Variants in KAT2B observed in about 807,000 individuals in gnomAD.
KAT2B encodes the protein lysine acetyltransferase 2B, also known as histone acetyltransferase KAT2B.
KAT2B carries 36 observed loss-of-function variants against 105.9 expected under a neutral mutation model. The observed-to-expected ratio is 0.34, with a 90% confidence interval of 0.26 to 0.45. KAT2B has a LOEUF of 0.45. Ranked by LOEUF, KAT2B falls within the 20% of genes least tolerant of loss-of-function variation. The pLI is 1.00. For synonymous variants in KAT2B, 397 were observed against 377.9 expected, an observed-to-expected ratio of 1.05 and a Z score of -0.59; for missense variants, 820 against 1,021.6, an observed-to-expected ratio of 0.80 and a Z score of 2.69.
chr3:20,040,846 C>CCCTCCCGCTTCCACCTCCG (rs1284136032), intron 1 of KAT2B, 66 bp downstream of exon 1: 121 of 1,472,768 alleles, frequency 8.2e-5, no homozygotes, highest in Non-Finnish European at 1.0e-4. Context: ...ACCCCCCTCC[C>CCCTCCCGCTTCCACCTCCG]CCTCCCGCTT....
At chr3:20,136,363 T>A (rs1247322253) in intron 11 of KAT2B, among the ~76,000 whole-genome samples, 1 of 152,260 alleles carries the variant, frequency 6.6e-6, no homozygotes, top group African/African-American at 2.4e-5. Flanking sequence ...GTCTTCTGGC[T>A]GATTCAGAGA....
chr3:20,101,175 A>C, intron 4 of KAT2B, 112 bp from the exon 5 acceptor site: 2 of 797,932 alleles, frequency 2.5e-6, no homozygotes, highest in Non-Finnish European at 3.9e-6. Context: ...TTTTGTGAAT[A>C]GAGAAATGTC....
chr3:20,146,257 A>T, intron 13 of KAT2B, 59 bp from the exon 14 acceptor site: 2 of 965,670 alleles, frequency 2.1e-6, no homozygotes, highest in Non-Finnish European at 3.3e-6. Context: ...AGGTTGACTG[A>T]CTTGAACTGT....
intron 1 of KAT2B, among the ~76,000 whole-genome samples, chr3:20,065,684 CA>C (rs1308238571): frequency 6.6e-6 from 1 of 152,106 alleles, no homozygotes; most frequent in African/African-American, 2.4e-5. Context: ...TGCACACATG[CA>C]AGAACCAATT....
intron 2 of KAT2B, among the ~76,000 whole-genome samples, chr3:20,078,065 C>T (rs538178876): frequency 2.0e-5 from 3 of 152,174 alleles, no homozygotes; most frequent in East Asian, 1.9e-4. Flanking sequence ...GTCCCAGCTA[C>T]TCGGGAGACT....
rs771195931 is a variant in KAT2B, at chr3:20,119,669, G to A, written c.1222G>A (p.Ala408Thr). The change falls in exon 8 of 18, where the codon GCA becomes ACA. Residue 408 changes from alanine (A) to threonine (T), a missense_variant. Ala to Thr is a moderately conservative substitution (Grantham distance 58). Around this residue, in one of 6 missense-constraint regions of KAT2B, gnomAD observed 225 missense variants for 268.1 expected, o/e 0.84. Coordinates refer to ENST00000263754, the MANE Select transcript of KAT2B (RefSeq NM_003884.5). Reference protein sequence around the residue: ...STSSSLEQPNAGSSSPACKAS... With the variant: ...STSSSLEQPNTGSSSPACKAS... Reference sequence around the variant, plus strand: ...CTCATCTTCCCTTGAGCAGCCAAACGCAGGGAGCAGCAGTCCTGCCTGCAA... The same window carrying A: ...CTCATCTTCCCTTGAGCAGCCAAACACAGGGAGCAGCAGTCCTGCCTGCAA... The A allele has an allele frequency of 4.3e-6, 7 of 1,613,950 alleles. No individual in the cohort carries two copies. The highest frequency in any genetic ancestry group is 1.3e-5 in the African/African-American group (1 of 74,924).
chr3:20,099,354 G>A (rs1698867852), intron 3 of KAT2B, among the ~76,000 whole-genome samples: 1 of 152,212 alleles, frequency 6.6e-6, no homozygotes, highest in Non-Finnish European at 1.5e-5. Flanking sequence ...CCGTGCAGCT[G>A]CTGTAGACAG....
intron 12 of KAT2B, 39 bp from the exon 13 acceptor site, chr3:20,140,182 T>G (rs1401319030): frequency 1.6e-6 from 2 of 1,289,080 alleles, no homozygotes; most frequent in South Asian, 1.2e-5. Flanking sequence ...AGATATTTGG[T>G]GTATGGTGTT....
At chr3:20,042,655 T>A (rs1371951484) in intron 1 of KAT2B, among the ~76,000 whole-genome samples, 1 of 152,212 alleles carries the variant, frequency 6.6e-6, no homozygotes, top group African/African-American at 2.4e-5. Context: ...TATTTTAAAA[T>A]TTATTTATTG....
At position 20,122,769 on chromosome 3, in the gene KAT2B, A is replaced by G. The variant is rs758109228; in HGVS notation, c.1378A>G (p.Thr460Ala). 3.7e-6 allele frequency: 6 copies of G among 1,614,002 alleles called. No individual in the cohort carries two copies. The highest frequency in any genetic ancestry group is 4.5e-5 in the East Asian group (2 of 44,882). ...GGAATTAATCAACGAGGTTATGTCT[A>G]CCATCACGGACCCTGCAGCAATGCT... ...PMELINEVMS[T>A]ITDPAAMLGP... Residue 460 changes from threonine to alanine, a missense_variant, in exon 9 of 18, where the codon ACC becomes GCC. Transcript: ENST00000263754.
chr3:20,093,920 G>A (rs1698765489), intron 2 of KAT2B, among the ~76,000 whole-genome samples: 1 of 152,064 alleles, frequency 6.6e-6, no homozygotes, highest in South Asian at 2.1e-4. Context: ...GTTTATCTAG[G>A]GATCCTTTTT....
At chr3:20,057,107 G>T (rs558557898) in intron 1 of KAT2B, among the ~76,000 whole-genome samples, 1 of 152,322 alleles carries the variant, frequency 6.6e-6, no homozygotes, top group South Asian at 2.1e-4. Flanking sequence ...AATGAGAATG[G>T]AGAAGGTATA....
chr3:20,133,805 G>C (rs927865415), intron 11 of KAT2B, among the ~76,000 whole-genome samples: 1 of 152,154 alleles, frequency 6.6e-6, no homozygotes, highest in African/African-American at 2.4e-5. Context: ...TACATAAACT[G>C]TAAACGTATT....
intron 1 of KAT2B, among the ~76,000 whole-genome samples, chr3:20,060,229 C>A (rs1445186461): frequency 6.6e-6 from 1 of 152,198 alleles, no homozygotes; most frequent in African/African-American, 2.4e-5. Context: ...ATTTCTGTTT[C>A]TCTTGGGTAG....
In KAT2B at chr3:20,139,589, A is replaced by G. The variant is rs181822618; in HGVS notation, c.1861-632A>G. On this transcript the variant is annotated intron_variant, in intron 12 of 17. Coordinates refer to ENST00000263754, the MANE Select transcript of KAT2B (RefSeq NM_003884.5). The stretch of plus-strand genomic sequence containing the variant: ...TGCAAATAACTGAAATAGATACTTA[A>G]GGCAAATTATGTTTATATTATAAAT... 3.9e-4 allele frequency among the ~76,000 whole-genome samples: 60 copies of G among 152,112 alleles called. 1 individual carries two copies. The highest frequency in any genetic ancestry group is 6.6e-4 in the Non-Finnish European group (45 of 67,992).
At chr3:20,061,175 C>A (rs548589485) in intron 1 of KAT2B, among the ~76,000 whole-genome samples, 1 of 152,262 alleles carries the variant, frequency 6.6e-6, no homozygotes, top group South Asian at 2.1e-4. Flanking sequence ...AACCACCATT[C>A]CTATCTCTAT....
intron 1 of KAT2B, among the ~76,000 whole-genome samples, chr3:20,066,948 G>A (rs534629806): frequency 1.6e-3 from 236 of 152,104 alleles, no homozygotes; most frequent in Non-Finnish European, 2.5e-3. Context: ...AATTTTTATT[G>A]CCAATTTTTA....
chr3:20,122,981 C>T, intron 9 of KAT2B, 177 bp downstream of exon 9: 2 of 981,064 alleles, frequency 2.0e-6, no homozygotes, highest in Non-Finnish European at 2.4e-6. Context: ...GAGGTAATTC[C>T]CCTTGATGAA....
rs1173793039 is a variant in KAT2B at position 20,105,816 on chromosome 3, AAAG to A, written c.851+4363_851+4365del. Among the ~76,000 whole-genome samples the A allele has an allele frequency of 1.3e-4, 20 of 151,216 alleles. 1 individual carries two copies. The East Asian group carries it at 1.9e-3, about 15-fold the overall frequency. On this transcript the variant is annotated intron_variant, in intron 5 of 17. Transcript: ENST00000263754. ...ACCCTGTCTGAAAAAAAAAAAAAAA[AAAG>A]AAGAAGAAGAAGAAAAAGAATACAT...
Sources: allele counts gnomAD v4.1 joint callset (sites outside exome capture counted in the v4.1 genomes callset), GRCh38; gene constraint gnomAD v4.1.1; regional missense constraint gnomAD v4.1.1; transcripts MANE v1.5; gene names NCBI Gene and HGNC (gene_info 2026-07-23, HGNC 2026-07-21).